FHIT: variants seen among roughly 807,000 people sequenced by gnomAD.
FHIT encodes fragile histidine triad diadenosine triphosphatase.
FHIT carries 19 observed loss-of-function variants against 17.9 expected under a neutral mutation model. The observed-to-expected ratio is 1.06, with a 90% confidence interval of 0.74 to 1.56. The LOEUF is 1.56. FHIT is among the 40% of genes most tolerant of loss of function. FHIT has a pLI of 0.00. For missense variants in FHIT, 248 were observed against 189.2 expected (o/e 1.31, Z -1.82); for synonymous variants, 81 against 69.7 (o/e 1.16, Z -0.81).
intron 5 of FHIT, among the ~76,000 whole-genome samples, chr3:60,347,086 G>T (rs1408202211): frequency 6.6e-6 from 1 of 151,422 alleles, no homozygotes; most frequent in Admixed American, 6.6e-5. Context: ...TTTTTCCAAT[G>T]CAAAGATTCC....
chr3:60,671,315 A>G (rs2040498225), intron 4 of FHIT, among the ~76,000 whole-genome samples: 1 of 152,174 alleles, frequency 6.6e-6, no homozygotes, highest in Non-Finnish European at 1.5e-5. Context: ...AATGAGGACT[A>G]CTAGTGTTCT....
chr3:60,397,363 T>G (rs375471529), intron 5 of FHIT, among the ~76,000 whole-genome samples: 1 of 151,928 alleles, frequency 6.6e-6, no homozygotes, highest in Non-Finnish European at 1.5e-5. Flanking sequence ...GAGGAAGAGA[T>G]AGGAGGTTTG....
chr3:61,136,987 T>G (rs757097899), intron 2 of FHIT, among the ~76,000 whole-genome samples: 17 of 152,216 alleles, frequency 1.1e-4, no homozygotes, highest in Non-Finnish European at 1.9e-4. Context: ...CTGCATGTAT[T>G]GTTGTTGTTT....
intron 4 of FHIT, among the ~76,000 whole-genome samples, chr3:60,643,393 A>G (rs2039775502): frequency 6.6e-6 from 1 of 152,142 alleles, no homozygotes; most frequent in Non-Finnish European, 1.5e-5. Context: ...ACAGAACTAG[A>G]AAAAACAATC....
At chr3:60,837,291 G>C (rs1182472345) in intron 3 of FHIT, among the ~76,000 whole-genome samples, 1 of 152,064 alleles carries the variant, frequency 6.6e-6, no homozygotes, top group Non-Finnish European at 1.5e-5. Context: ...CAAGAGAAGA[G>C]AAAAAAATGT....
At chr3:61,043,360 G>A (rs368446171) in intron 2 of FHIT, among the ~76,000 whole-genome samples, 84 of 152,278 alleles carry the variant, frequency 5.5e-4, no homozygotes, top group African/African-American at 1.8e-3. Flanking sequence ...CCACGCCCAC[G>A]GAGCCTTGCT....
intron 8 of FHIT, among the ~76,000 whole-genome samples, chr3:59,838,200 T>C (rs1337548087): frequency 1.3e-5 from 2 of 152,118 alleles, no homozygotes; most frequent in Non-Finnish European, 2.9e-5. Context: ...TTCCCCTAGC[T>C]AGGTTCCCTG....
chr3:60,129,064 T>G (rs1225872596), intron 5 of FHIT, among the ~76,000 whole-genome samples: 1 of 148,010 alleles, frequency 6.8e-6, no homozygotes, highest in Non-Finnish European at 1.5e-5. Context: ...TTTTTTTTTT[T>G]TTTTTTGAAA....
At chr3:60,906,801 A>G (rs1706450681) in intron 3 of FHIT, among the ~76,000 whole-genome samples, 1 of 152,162 alleles carries the variant, frequency 6.6e-6, no homozygotes, top group African/African-American at 2.4e-5. Flanking sequence ...CTGTATTTCA[A>G]TATGAAATGT....
At chr3:59,835,419 G>A (rs1052263058) in intron 8 of FHIT, among the ~76,000 whole-genome samples, 1 of 152,070 alleles carries the variant, frequency 6.6e-6, no homozygotes, top group African/African-American at 2.4e-5. Context: ...ATAATAAAGA[G>A]AGTCTTTGTG....
intron 5 of FHIT, among the ~76,000 whole-genome samples, chr3:60,133,029 C>T (rs1559663439): frequency 6.6e-6 from 1 of 152,080 alleles, no homozygotes; most frequent in Non-Finnish European, 1.5e-5. Flanking sequence ...AGTGACTGTA[C>T]ACCTACCGAA....
At chr3:60,477,266 T>C (rs2033394247) in intron 5 of FHIT, among the ~76,000 whole-genome samples, 1 of 152,088 alleles carries the variant, frequency 6.6e-6, no homozygotes, top group African/African-American at 2.4e-5. Context: ...ATACATAACC[T>C]TGAATATAAC....
intron 8 of FHIT, among the ~76,000 whole-genome samples, chr3:59,908,273 A>G (rs867066450): frequency 3.3e-5 from 5 of 152,166 alleles, no homozygotes; most frequent in African/African-American, 1.2e-4. Flanking sequence ...ACAGCTTTGC[A>G]AAGAGAATAA....
chr3:60,458,813 G>A (rs146934723), intron 5 of FHIT, among the ~76,000 whole-genome samples: 36 of 152,032 alleles, frequency 2.4e-4, no homozygotes, highest in Admixed American at 5.2e-4. Context: ...TCACTCTGTC[G>A]CCCAGGCTGG....
intron 3 of FHIT, among the ~76,000 whole-genome samples, chr3:60,990,796 C>T (rs1031278275): frequency 2.0e-5 from 3 of 152,124 alleles, no homozygotes; most frequent in Admixed American, 2.0e-4. Context: ...CCTCCCACAG[C>T]ATGTAAAGTC....
At chr3:60,179,106 A>T (rs1559703216) in intron 5 of FHIT, among the ~76,000 whole-genome samples, 1 of 152,210 alleles carries the variant, frequency 6.6e-6, no homozygotes, top group African/African-American at 2.4e-5. Context: ...GGGCAGCAAA[A>T]GAAGTGAGAA....
chr3:60,343,748 T>C (rs28584323), intron 5 of FHIT, among the ~76,000 whole-genome samples: 152,272 of 152,304 alleles, frequency 1, 76,120 homozygotes, highest in Middle Eastern at 1. Context: ...TGTGGATACA[T>C]CTGTCCACAA....
chr3:60,623,135 C>T (rs1003960042), intron 4 of FHIT, among the ~76,000 whole-genome samples: 2 of 152,272 alleles, frequency 1.3e-5, no homozygotes, highest in African/African-American at 4.8e-5. Flanking sequence ...ATAGTAGATA[C>T]GTAACAAGTA....
chr3:60,812,801 C>A (rs1701612975), intron 4 of FHIT, among the ~76,000 whole-genome samples: 1 of 152,102 alleles, frequency 6.6e-6, no homozygotes, highest in African/African-American at 2.4e-5. Flanking sequence ...GCAGTGGAAG[C>A]AGCTTTGGAA....
Sources: gnomAD v4.1 joint callset for allele counts (sites outside exome capture counted in the v4.1 genomes callset) on GRCh38, gnomAD v4.1.1 for gene constraint, MANE v1.5 for transcripts, NCBI Gene and HGNC (gene_info 2026-07-23, HGNC 2026-07-21) for gene names.